Variants in SLAIN1 observed in about 807,000 individuals in gnomAD.
The protein encoded by SLAIN1 is SLAIN family member 1.
Under a neutral mutation model 55.4 loss-of-function variants are expected in SLAIN1, and 17 were observed. The ratio of observed to expected loss-of-function variants is 0.31; its 90% confidence interval spans 0.21 to 0.46. SLAIN1 has a LOEUF of 0.46. SLAIN1 is among the 20% of genes least tolerant of loss of function. SLAIN1 has a pLI of 1.00. For missense variants in SLAIN1, 682 were observed against 785.1 expected, an observed-to-expected ratio of 0.87 and a Z score of 1.57; for synonymous variants, 348 against 337.4, an observed-to-expected ratio of 1.03 and a Z score of -0.35.
chr13:77,718,640 T>C (rs767428705), intron 1 of SLAIN1, among the ~76,000 whole-genome samples: 12 of 152,186 alleles, frequency 7.9e-5, no homozygotes, highest in Non-Finnish European at 2.9e-5. Flanking sequence ...GGTAGCTTTG[T>C]TGGAAAGAAG....
intron 1 of SLAIN1, among the ~76,000 whole-genome samples, chr13:77,714,399 C>T (rs991402998): frequency 6.6e-6 from 1 of 152,062 alleles, no homozygotes; most frequent in African/African-American, 2.4e-5. Flanking sequence ...ATCACTTGAG[C>T]CCAGGCTTTT....
chr13:77,713,064 A>G (rs1050545984), intron 1 of SLAIN1, among the ~76,000 whole-genome samples: 3 of 152,202 alleles, frequency 2.0e-5, no homozygotes, highest in African/African-American at 7.2e-5. Flanking sequence ...TTAACTCAAG[A>G]TAGATTAAAG....
At chr13:77,711,988 G>A (rs906030548) in intron 1 of SLAIN1, among the ~76,000 whole-genome samples, 1 of 152,048 alleles carries the variant, frequency 6.6e-6, no homozygotes, top group African/African-American at 2.4e-5. Context: ...ATTAATAGGT[G>A]CAGAAAAAGG....
At chr13:77,713,387 G>A (rs2091172733) in intron 1 of SLAIN1, among the ~76,000 whole-genome samples, 1 of 152,138 alleles carries the variant, frequency 6.6e-6, no homozygotes, top group Admixed American at 6.5e-5. Context: ...CTTCTCAACA[G>A]AAGACATTTA....
At chr13:77,701,992 C>T (rs2091035823) in intron 1 of SLAIN1, among the ~76,000 whole-genome samples, 3 of 142,960 alleles carry the variant, frequency 2.1e-5, no homozygotes, top group Admixed American at 7.4e-5. Flanking sequence ...TGTTCAATTC[C>T]CACCTATGAG....
Position 77,698,220 on chromosome 13 carries a change from G to T in SLAIN1, c.307G>T (p.Gly103Cys). Reference protein sequence around the residue: ...SGGLGLGLALGAGGGGGSGSG... With the variant: ...SGGLGLGLALCAGGGGGSGSG... ...GGGCCTGGGGCTCGGGCTGGCGCTGGGCGCGGGGGGCGGTGGCGGCAGCGG... is the reference window on the plus strand; with the variant it reads ...GGGCCTGGGGCTCGGGCTGGCGCTGTGCGCGGGGGGCGGTGGCGGCAGCGG... The change falls in exon 1 of 7, where the codon GGC (glycine) becomes TGC (cysteine). Residue 103 changes from glycine to cysteine, a missense_variant. This residue lies in a region of SLAIN1 where 401 missense variants were observed against 417.3 expected (regional missense o/e 0.96). Transcript: ENST00000418532. This position sits in a 1 kb window ranked among gnomAD's most constrained non-coding sequence, Gnocchi z 4.1. 7.7e-7 allele frequency: 1 copy of T among 1,305,692 alleles called. No homozygotes were observed. Among genetic ancestry groups the T allele is most frequent in the Non-Finnish European group, 9.7e-7 (1 of 1,026,660 alleles). The allele number at this position is 1,305,692 out of a possible 1,614,324, so 80.9% of individuals were successfully genotyped here.
rs1165877462 is a variant in SLAIN1 at position 77,753,316 on chromosome 13, T to G, written c.1372T>G (p.Leu458Val). Residue 458 changes from leucine to valine, a missense_variant, in exon 5 of 7, where the codon TTG (leucine) becomes GTG (valine). Physicochemically the swap from Leu to Val is conservative, Grantham distance 32. Around this residue, in one of 3 missense-constraint regions of SLAIN1, gnomAD observed 244 missense variants for 295.2 expected, o/e 0.83. Coordinates refer to ENST00000418532, the MANE Select transcript of SLAIN1 (RefSeq NM_001242868.2). Reference protein sequence around the residue: ...VRNSQSFDSSLHGAGNGISRI... With the variant: ...VRNSQSFDSSVHGAGNGISRI... Reference sequence around the variant, plus strand: ...AAATAGTCAGAGTTTTGACTCAAGCTTGCATGGAGCTGGAAATGGAATTTC... The same window carrying G: ...AAATAGTCAGAGTTTTGACTCAAGCGTGCATGGAGCTGGAAATGGAATTTC... 1 of 1,611,770 alleles carries G rather than the reference T, an allele frequency of 6.2e-7. No homozygotes were observed. Among genetic ancestry groups the G allele is most frequent in the Non-Finnish European group, 8.5e-7 (1 of 1,179,138 alleles).
At chr13:77,706,251 A>G (rs1239643584) in intron 1 of SLAIN1, among the ~76,000 whole-genome samples, 1 of 151,896 alleles carries the variant, frequency 6.6e-6, no homozygotes, top group Non-Finnish European at 1.5e-5. Context: ...CCTTCTCATA[A>G]TGGTTTTTAT....
intron 2 of SLAIN1, among the ~76,000 whole-genome samples, chr13:77,735,515 G>C (rs180816292): frequency 6.6e-6 from 1 of 151,982 alleles, no homozygotes; most frequent in Admixed American, 6.6e-5. Flanking sequence ...TGCCTGTTCT[G>C]TATGGCCTAA....
chr13:77,747,072 T>A (rs1025777814), intron 4 of SLAIN1, among the ~76,000 whole-genome samples: 3 of 151,968 alleles, frequency 2.0e-5, no homozygotes, highest in Non-Finnish European at 4.4e-5. Flanking sequence ...GGTACAGGCA[T>A]GTGTCATTAT....
Position 77,697,825 on chromosome 13 carries a change from C to G in SLAIN1, c.-89C>G, listed in dbSNP as rs2090988649. ...TGGTCGGCCCCCCAGGCCGGGGCGA[C>G]AGGGAAGGAGCCGTAGCCTCCCCGT... On this transcript the variant is annotated 5_prime_UTR_variant, in exon 1 of 7. Transcript: ENST00000418532. 2 of 1,185,568 alleles carry G rather than the reference C, an allele frequency of 1.7e-6. No homozygotes were observed. The highest frequency in any genetic ancestry group is 2.1e-6 in the Non-Finnish European group (2 of 958,974). 73.4% of individuals were successfully genotyped at this position (1,185,568 alleles called of 1,614,324 possible).
chr13:77,703,700 G>A (rs1019357838), intron 1 of SLAIN1, among the ~76,000 whole-genome samples: 16 of 151,788 alleles, frequency 1.1e-4, no homozygotes, highest in Admixed American at 9.2e-4. Flanking sequence ...TGGCTATCTA[G>A]TTTGATCCTA....
At chr13:77,740,331 G>A (rs999344364) in intron 2 of SLAIN1, among the ~76,000 whole-genome samples, 6 of 151,966 alleles carry the variant, frequency 3.9e-5, no homozygotes, top group African/African-American at 9.7e-5. Flanking sequence ...AGGAAGTTGC[G>A]GTAGAACTAC....
chr13:77,713,951 T>A (rs2091179404), intron 1 of SLAIN1, among the ~76,000 whole-genome samples: 2 of 151,194 alleles, frequency 1.3e-5, no homozygotes, highest in Non-Finnish European at 2.9e-5. Flanking sequence ...ATGTTCTCAC[T>A]CATAGGTGGG....
chr13:77,733,796 G>A (rs1872986581), intron 2 of SLAIN1, among the ~76,000 whole-genome samples: 1 of 152,142 alleles, frequency 6.6e-6, no homozygotes, highest in Non-Finnish European at 1.5e-5. Flanking sequence ...CCATATGCTT[G>A]TTTATCAGGT....
chr13:77,744,054 G>T (rs76038759), intron 2 of SLAIN1, among the ~76,000 whole-genome samples: 118 of 151,990 alleles, frequency 7.8e-4, no homozygotes, highest in African/African-American at 2.8e-3. Flanking sequence ...ATAGTACATG[G>T]TGACTTTTTA....
chr13:77,708,273 C>T (rs566894993), intron 1 of SLAIN1, among the ~76,000 whole-genome samples: 1 of 152,222 alleles, frequency 6.6e-6, no homozygotes, highest in Admixed American at 6.5e-5. Flanking sequence ...AAAAAGGACT[C>T]TATCAAAAAA....
chr13:77,709,666 C>T lies in SLAIN1; in HGVS notation c.627-9866C>T, dbSNP rs7322476. ...ATCCAGCCAAATGAAGCTTCAAAAG[C>T]GAAGGAAAAATAAAATCCTTTACAG... On this transcript the variant is annotated intron_variant, in intron 1 of 6. Transcript: ENST00000418532. Among the ~76,000 whole-genome samples, 373 of 152,206 alleles carry T rather than the reference C, an allele frequency of 2.5e-3. 1 individual carries two copies. Among genetic ancestry groups the T allele is most frequent in the African/African-American group, 8.1e-3 (335 of 41,522 alleles).
Position 77,698,312 on chromosome 13 carries a change from C to A in SLAIN1, c.399C>A (p.Pro133=). The A allele has an allele frequency of 6.9e-7, 1 of 1,446,594 alleles. No homozygotes were observed. The allele number at this position is 1,446,594 out of a possible 1,614,324, so 89.6% of individuals were successfully genotyped here. ...CCTTCTGCCTGCCTAGCCCCGCGCC[C>A]TCCCTGCTTTGCAGCCTGGCGCAGC... ...PGTFCLPSPA[P]SLLCSLAQPP... Residue 133 remains proline (P), a synonymous_variant, in exon 1 of 7, where the codon CCC becomes CCA. Coordinates refer to ENST00000418532, the MANE Select transcript of SLAIN1 (RefSeq NM_001242868.2). The surrounding 1 kb of genome is among the most constrained non-coding windows in gnomAD (Gnocchi z 4.1).
Sources: gnomAD v4.1 joint callset for allele counts (sites outside exome capture counted in the v4.1 genomes callset) on GRCh38, gnomAD v4.1.1 for gene constraint, gnomAD v4.1.1 regional missense constraint, Gnocchi (gnomAD v3.1) non-coding constraint, MANE v1.5 for transcripts, NCBI Gene and HGNC (gene_info 2026-07-23, HGNC 2026-07-21) for gene names.